The following ADAM12 variants were observed in gnomAD, a reference collection of about 807,000 sequenced individuals.
ADAM12 encodes ADAM metallopeptidase domain 12, also known as disintegrin and metalloproteinase domain-containing protein 12.
In ADAM12, 70 loss-of-function variants were observed where a neutral mutation model predicts 106.4. That is an observed-to-expected ratio of 0.66 (90% CI 0.54 to 0.80). The LOEUF (loss-of-function observed/expected upper bound fraction) is 0.80. Ranked by LOEUF, ADAM12 falls within the 30% of genes least tolerant of loss-of-function variation. ADAM12 has a pLI of 0.00. For missense variants in ADAM12, 1,010 were observed against 1,171.9 expected (o/e 0.86, Z 2.02); for synonymous variants, 420 against 433.5 (o/e 0.97, Z 0.39).
chr10:126,209,282 G>A (rs1957856342), intron 3 of ADAM12, among the ~76,000 whole-genome samples: 1 of 152,180 alleles, frequency 6.6e-6, no homozygotes, highest in Non-Finnish European at 1.5e-5. Context: ...TAGCATCCCT[G>A]AGTATAAATT....
intron 3 of ADAM12, among the ~76,000 whole-genome samples, chr10:126,258,263 G>T (rs1047996359): frequency 6.6e-6 from 1 of 152,134 alleles, no homozygotes; most frequent in Non-Finnish European, 1.5e-5. Context: ...GTCCTCATTA[G>T]AGTCTGAGTC....
At chr10:126,177,790 T>C (rs538388236) in intron 3 of ADAM12, among the ~76,000 whole-genome samples, 41 of 152,306 alleles carry the variant, frequency 2.7e-4, no homozygotes, top group African/African-American at 9.4e-4. Context: ...CTTTCTTACA[T>C]TGCAACAAAG....
intron 3 of ADAM12, among the ~76,000 whole-genome samples, chr10:126,167,395 T>A (rs769280513): frequency 3.3e-5 from 5 of 152,198 alleles, no homozygotes; most frequent in Non-Finnish European, 2.9e-5. Flanking sequence ...AAGGGACAAC[T>A]ATACTTAATG....
rs544959925 is a variant in ADAM12 at position 126,290,090 on chromosome 10, G to A, written c.187-11102C>T. ...GACTGGGGTCAGAAAGATGTGACAAGAGGGCTTGACCCACTGTGCTTACTC... is the reference window on the plus strand; with the variant it reads ...GACTGGGGTCAGAAAGATGTGACAAAAGGGCTTGACCCACTGTGCTTACTC... On this transcript the variant is annotated intron_variant, in intron 2 of 22. Transcript: ENST00000448723. Among the ~76,000 whole-genome samples, 3 of 152,322 alleles carry A rather than the reference G, an allele frequency of 2.0e-5. No individual in the cohort carries two copies. The East Asian group carries it at 5.8e-4, about 29-fold the overall frequency.
Position 126,268,372 on chromosome 10 carries a change from C to A in ADAM12, c.260+10543G>T, listed in dbSNP as rs116590186. On this transcript the variant is annotated intron_variant, in intron 3 of 22. Transcript: ENST00000448723. ...TGCCACATTTTGTGGACTGATTCAT[C>A]TGTCGATGAACACTTGGGTTGTTCC... 3.3e-3 allele frequency among the ~76,000 whole-genome samples: 507 copies of A among 152,298 alleles called. 2 individuals carry two copies. The highest frequency in any genetic ancestry group is 0.011 in the African/African-American group (469 of 41,560).
intron 4 of ADAM12, among the ~76,000 whole-genome samples, chr10:126,137,678 T>C (rs1483664983): frequency 6.6e-6 from 1 of 152,232 alleles, no homozygotes; most frequent in South Asian, 2.1e-4. Context: ...TTAAGCATGG[T>C]GTTCTCAAGT....
At chr10:126,188,339 A>T (rs961010896) in intron 3 of ADAM12, among the ~76,000 whole-genome samples, 1 of 152,202 alleles carries the variant, frequency 6.6e-6, no homozygotes, top group Non-Finnish European at 1.5e-5. Context: ...CTTTGGCCAC[A>T]TCACTGTTGA....
chr10:126,329,845 C>A (rs968246647), intron 2 of ADAM12, among the ~76,000 whole-genome samples: 1 of 152,170 alleles, frequency 6.6e-6, no homozygotes, highest in Non-Finnish European at 1.5e-5. Context: ...CACTTTCCAA[C>A]TGTTCCTACA....
intron 1 of ADAM12, among the ~76,000 whole-genome samples, chr10:126,352,616 T>G (rs776996972): frequency 5.3e-5 from 8 of 152,202 alleles, no homozygotes; most frequent in Admixed American, 2.0e-4. Flanking sequence ...ATGGCTGTCT[T>G]GTGTCGGATG....
chr10:126,122,429 A>C (rs1446442847), intron 5 of ADAM12, among the ~76,000 whole-genome samples: 2 of 152,170 alleles, frequency 1.3e-5, no homozygotes, highest in African/African-American at 2.4e-5. Context: ...ATTTTTGTTT[A>C]TTAAAGTTGA....
At chr10:126,308,635 C>G (rs1168439865) in intron 2 of ADAM12, among the ~76,000 whole-genome samples, 1 of 152,178 alleles carries the variant, frequency 6.6e-6, no homozygotes, top group Non-Finnish European at 1.5e-5. Flanking sequence ...GATGTTTTGA[C>G]TATTTTTTCA....
intron 21 of ADAM12, among the ~76,000 whole-genome samples, chr10:126,032,139 G>A (rs1953982692): frequency 6.6e-6 from 1 of 152,202 alleles, no homozygotes; most frequent in Non-Finnish European, 1.5e-5. Context: ...GATGGTGTTT[G>A]TGGTAGTGTT....
intron 20 of ADAM12, among the ~76,000 whole-genome samples, chr10:126,036,546 A>G (rs3812681): frequency 0.24 from 35,947 of 152,208 alleles, 4,900 homozygotes; most frequent in East Asian, 0.42. Flanking sequence ...CAAATCTGGA[A>G]TAGAAGGATC....
intron 21 of ADAM12, among the ~76,000 whole-genome samples, chr10:126,027,587 C>A (rs1293038748): frequency 6.6e-6 from 1 of 152,098 alleles, no homozygotes; most frequent in South Asian, 2.1e-4. Flanking sequence ...AAATGTGATT[C>A]ATCACATAAA....
At chr10:126,378,438 C>G (rs577766871) in intron 1 of ADAM12, among the ~76,000 whole-genome samples, 2 of 152,162 alleles carry the variant, frequency 1.3e-5, no homozygotes, top group South Asian at 2.1e-4. Context: ...AAGGAATGAA[C>G]CAAGCACATA....
intron 1 of ADAM12, among the ~76,000 whole-genome samples, chr10:126,350,978 G>C (rs1290007991): frequency 6.6e-6 from 1 of 152,126 alleles, no homozygotes; most frequent in East Asian, 1.9e-4. Context: ...GCTCATGCTG[G>C]TCTTCCATCA....
At chr10:126,130,376 G>A (rs7076885) in intron 5 of ADAM12, among the ~76,000 whole-genome samples, 3,059 of 152,136 alleles carry the variant, frequency 0.02, 96 homozygotes, top group African/African-American at 0.07. Context: ...AAAGATCTGG[G>A]AAGTCAAAAT....
chr10:126,218,700 T>C (rs1453593294), intron 3 of ADAM12, among the ~76,000 whole-genome samples: 1 of 152,176 alleles, frequency 6.6e-6, no homozygotes, highest in Admixed American at 6.5e-5. Context: ...ATTTGCTTTA[T>C]CCATGTTCAA....
At chr10:126,055,957 G>C (rs1229290754) in intron 14 of ADAM12, among the ~76,000 whole-genome samples, 1 of 152,106 alleles carries the variant, frequency 6.6e-6, no homozygotes, top group Non-Finnish European at 1.5e-5. Flanking sequence ...GCTTTTTGTT[G>C]CATCTATACT....
Sources: allele counts gnomAD v4.1 joint callset (sites outside exome capture counted in the v4.1 genomes callset), GRCh38; gene constraint gnomAD v4.1.1; transcripts MANE v1.5; gene names NCBI Gene and HGNC (gene_info 2026-07-23, HGNC 2026-07-21).